APOB: variants seen among roughly 807,000 people sequenced by gnomAD.
The protein encoded by APOB is apolipoprotein B-100.
A neutral mutation model predicts 314.1 loss-of-function variants in APOB; 153 were observed. The observed-to-expected ratio is 0.49, with a 90% confidence interval of 0.43 to 0.56. The LOEUF is 0.56. Among genes scored for constraint, APOB ranks in the 20% least tolerant of loss-of-function variants. The pLI, the probability that APOB is intolerant of heterozygous loss-of-function variation, is 0.00. For synonymous variants in APOB, 2,087 were observed against 2,036.4 expected (o/e 1.02, Z -0.67); for missense variants, 5,430 against 5,350.7 (o/e 1.01, Z -0.46).
Position 21,023,712 on chromosome 2 carries a change from G to C in APOB, c.2437-20C>G. ...TCCAATCTGTAGACCCAACAAGGGA[G>C]AGCAAATAAAAGTAAGTCTTTTTAA... On this transcript the variant is annotated intron_variant, in intron 16 of 28. Transcript: ENST00000233242. The C allele has an allele frequency of 1.3e-6, 2 of 1,572,658 alleles. No individual in the cohort carries two copies. The highest frequency in any genetic ancestry group is 1.7e-6 in the Non-Finnish European group (2 of 1,158,080).
rs958169216 is a variant in APOB, at chr2:21,008,687, G to A, written c.8181C>T (p.Asn2727=). ...GGTCAGGAACTTGAAAATCATTAAG[G>A]TTGAGAGTTGGGATTATGAATTCTG... The part of the protein sequence containing the change: ...AIPEFIIPTL[N]LNDFQVPDLH... Residue 2727 remains asparagine (N), a synonymous_variant, in exon 26 of 29, where the codon AAC becomes AAT. Transcript: ENST00000233242. 6.2e-7 allele frequency: 1 copy of A among 1,614,106 alleles called. No individual in the cohort carries two copies. Among genetic ancestry groups the A allele is most frequent in the Non-Finnish European group, 8.5e-7 (1 of 1,179,976 alleles).
chr2:21,019,052 C>T lies in APOB; in HGVS notation c.3061G>A (p.Glu1021Lys). 1 of 1,613,996 alleles carries T rather than the reference C, an allele frequency of 6.2e-7. No homozygotes were observed. The highest frequency in any genetic ancestry group is 2.2e-5 in the East Asian group (1 of 44,836). ...IEQYSVSATY[E>K]LQREDRALVD... ...AAGGCTCTGTCCTCTCTCTGGAGCT[C>T]ATAGGTTGCGCTGACAGAATACTGC... Residue 1021 changes from glutamate to lysine, a missense_variant, in exon 20 of 29, where the codon GAG (glutamate) becomes AAG (lysine). Coordinates refer to ENST00000233242, the MANE Select transcript of APOB (RefSeq NM_000384.3).
At chr2:21,043,839 G>A (rs1431207481) in intron 1 of APOB, 25 bp downstream of exon 1, 2 of 1,530,966 alleles carry the variant, frequency 1.3e-6, no homozygotes, top group Non-Finnish European at 1.7e-6. Flanking sequence ...CTCCCTCTGC[G>A]CCCGCAGAGC....
In APOB at chr2:21,006,622, A is replaced by T; in HGVS notation, c.10246T>A (p.Leu3416Ile). Residue 3416 changes from leucine (L) to isoleucine (I), a missense_variant, in exon 26 of 29, where the codon TTA becomes ATA. Around this residue, in one of 3 missense-constraint regions of APOB, gnomAD observed 3,281 missense variants for 3,171.0 expected, o/e 1.03. Coordinates refer to ENST00000233242, the MANE Select transcript of APOB (RefSeq NM_000384.3). The part of the protein sequence containing the change: ...VEGSHNSTVS[L>I]TTKNMEVSVA... ...GACACTTCCATATTTTTCGTGGTTA[A>T]GCTCACAGTACTGTTATGACTACCC... The T allele has an allele frequency of 6.2e-7, 1 of 1,614,064 alleles. No individual in the cohort carries two copies. The highest frequency in any genetic ancestry group is 8.5e-7 in the Non-Finnish European group (1 of 1,179,968).
At position 21,011,847 on chromosome 2, in the gene APOB, T is replaced by C. The variant is rs1166295670; in HGVS notation, c.5021A>G (p.Glu1674Gly). 1 of 1,614,152 alleles carries C rather than the reference T, an allele frequency of 6.2e-7. No homozygotes were observed. Among genetic ancestry groups the C allele is most frequent in the Non-Finnish European group, 8.5e-7 (1 of 1,180,024 alleles). ...CATAGATGCCCCAGAGAGGCCAAGCTCTGCATTCAGCTCATTCTCCAGCAC... is the reference window on the plus strand; with the variant it reads ...CATAGATGCCCCAGAGAGGCCAAGCCCTGCATTCAGCTCATTCTCCAGCAC... ...LLVLENELNA[E>G]LGLSGASMKL... The change falls in exon 26 of 29, where the codon GAG becomes GGG. Residue 1674 changes from glutamate to glycine, a missense_variant. Glu to Gly is a moderately conservative substitution (Grantham distance 98). Transcript: ENST00000233242.
intron 17 of APOB, 139 bp downstream of exon 17, chr2:21,023,386 A>T (rs1365621998): frequency 1.9e-6 from 2 of 1,047,364 alleles, no homozygotes; most frequent in African/African-American, 3.2e-5. Context: ...GAAGTTTTTC[A>T]TAAAAAAATA....
chr2:21,019,164 G>A, intron 19 of APOB, 51 bp from the exon 20 acceptor site: 2 of 1,611,938 alleles, frequency 1.2e-6, no homozygotes. Flanking sequence ...TTTCAAGGAT[G>A]GTGATTATGT....
At chr2:21,038,155 A>T in intron 4 of APOB, 44 bp from the exon 5 acceptor site, 1 of 1,611,142 alleles carries the variant, frequency 6.2e-7, no homozygotes, top group Non-Finnish European at 8.5e-7. Context: ...CTTCTCCATT[A>T]CAACTTGCTG....
In APOB at chr2:21,010,691, C is replaced by G; in HGVS notation, c.6177G>C (p.Lys2059Asn). ...AGTGAACATCTTGGTTTTTATCATA[C>G]TTTACAAAAGCAACAATTGTAAATT... ...PQEFTIVAFV[K>N]YDKNQDVHSI... is the part of the protein sequence containing the mutation. The change falls in exon 26 of 29, where the codon AAG becomes AAC. Residue 2059 changes from lysine to asparagine, a missense_variant. Coordinates refer to ENST00000233242, the MANE Select transcript of APOB (RefSeq NM_000384.3). 6.2e-7 allele frequency: 1 copy of G among 1,614,000 alleles called. No individual in the cohort carries two copies. Among genetic ancestry groups the G allele is most frequent in the South Asian group, 1.1e-5 (1 of 91,044 alleles).
Position 21,018,897 on chromosome 2 carries a change from AT to A in APOB, c.3121+94del. The A allele has an allele frequency of 1.9e-6, 3 of 1,589,170 alleles. No homozygotes were observed. In the South Asian group the frequency reaches 3.3e-5, roughly 18 times the overall value. On this transcript the variant is annotated intron_variant, in intron 20 of 28. Coordinates refer to ENST00000233242, the MANE Select transcript of APOB (RefSeq NM_000384.3). Reference sequence around the variant, plus strand: ...CGCTTAGTGGGTACTCAGTTAACCTATTTGTTAAATAGGTTAAATTACATGT... The same window carrying A: ...CGCTTAGTGGGTACTCAGTTAACCTATTGTTAAATAGGTTAAATTACATGT...
At chr2:21,015,285 T>C in intron 22 of APOB, 25 bp from the exon 23 acceptor site, 8 of 1,613,596 alleles carry the variant, frequency 5.0e-6, no homozygotes, top group Non-Finnish European at 6.8e-6. Context: ...GAAATAGTTG[T>C]GAATGGTACT....
At chr2:21,004,208 T>C (rs1663065737) in intron 28 of APOB, 61 bp downstream of exon 28, 3 of 1,574,074 alleles carry the variant, frequency 1.9e-6, no homozygotes, top group Admixed American at 1.7e-5. Flanking sequence ...CTGAATTAAA[T>C]GTATCTGCCC....
chr2:21,023,370 A>C, intron 17 of APOB, 155 bp downstream of exon 17: 1 of 868,860 alleles, frequency 1.2e-6, no homozygotes, highest in Non-Finnish European at 1.8e-6. Context: ...ATTCTGGTGG[A>C]AGCTTGAAGT....
At position 21,012,463 on chromosome 2, in the gene APOB, C is replaced by A. The variant is rs1347512150; in HGVS notation, c.4405G>T (p.Val1469Phe). 2 of 1,614,160 alleles carry A rather than the reference C, an allele frequency of 1.2e-6. No individual in the cohort carries two copies. The highest frequency in any genetic ancestry group is 4.5e-5 in the East Asian group (2 of 44,878). ...TGTTTCTTTTTGGAGTCCAAATGAA[C>A]TGAAGCAGACATCTGTGGTCCCCAG... ...SSWGPQMSASVHLDSKKKQHL... is the reference protein window; with the variant it reads ...SSWGPQMSASFHLDSKKKQHL... Residue 1469 changes from valine to phenylalanine, a missense_variant, in exon 26 of 29, where the codon GTT becomes TTT. Physicochemically the swap from Val to Phe is conservative, Grantham distance 50. Around this residue, in one of 3 missense-constraint regions of APOB, gnomAD observed 2,085 missense variants for 2,079.7 expected, o/e 1.00. Coordinates refer to ENST00000233242, the MANE Select transcript of APOB (RefSeq NM_000384.3).
Position 21,043,629 on chromosome 2 carries a change from G to C in APOB, c.83-78C>G, listed in dbSNP as rs1285798422. On this transcript the variant is annotated intron_variant, in intron 1 of 28. Coordinates refer to ENST00000233242, the MANE Select transcript of APOB (RefSeq NM_000384.3). ...GCTAGGGCCCGACAGGGGGACCACC[G>C]GCACAGGTTTCACCTTTCAGGAGGG... 7.8e-6 allele frequency: 12 copies of C among 1,546,444 alleles called. No homozygotes were observed. The African/African-American group carries it at 8.2e-5, about 11-fold the overall frequency.
rs1663026140 is a variant in APOB at position 21,002,815 on chromosome 2, G to A, written c.12607C>T (p.Gln4203Ter). The A allele has an allele frequency of 6.2e-7, 1 of 1,611,090 alleles. No homozygotes were observed. Among genetic ancestry groups the A allele is most frequent in the African/African-American group, 1.3e-5 (1 of 74,970 alleles). Reference protein sequence around the residue: ...LIDFLNFPRFQFPGKPGIYTR... With the variant: ...LIDFLNFPRF ...TATATCCCAGGTTTCCCCGGAAACTGGAATCTGGGGAAGTTCAGAAAATCA... is the reference window on the plus strand; with the variant it reads ...TATATCCCAGGTTTCCCCGGAAACTAGAATCTGGGGAAGTTCAGAAAATCA... The change falls in exon 29 of 29, where the codon CAG becomes TAG. Residue 4203 changes from glutamine (Q) to a stop codon, truncating the protein, a stop_gained. Coordinates refer to ENST00000233242, the MANE Select transcript of APOB (RefSeq NM_000384.3). LOFTEE classifies it low-confidence loss of function (END_TRUNC).
At chr2:21,040,052 A>T (rs542493648) in intron 4 of APOB, among the ~76,000 whole-genome samples, 24 of 152,256 alleles carry the variant, frequency 1.6e-4, no homozygotes, top group African/African-American at 5.8e-4. Flanking sequence ...TCATGGGGGC[A>T]GGTCTTTCCC....
chr2:21,040,794 A>G, intron 4 of APOB, 144 bp downstream of exon 4: 1 of 873,540 alleles, frequency 1.1e-6, no homozygotes, highest in South Asian at 1.7e-5. Flanking sequence ...CTTTTTGATG[A>G]TTGTGAAAAC....
At chr2:21,030,624 G>C (rs1311366770) in intron 10 of APOB, among the ~76,000 whole-genome samples, 5 of 152,154 alleles carry the variant, frequency 3.3e-5, no homozygotes, top group Non-Finnish European at 7.4e-5. Context: ...AAAGTAAAAA[G>C]TTTCTGCACA....
Sources: gnomAD v4.1 joint callset for allele counts (sites outside exome capture counted in the v4.1 genomes callset) on GRCh38, gnomAD v4.1.1 for gene constraint, gnomAD v4.1.1 regional missense constraint, MANE v1.5 for transcripts, NCBI Gene and HGNC (gene_info 2026-07-23, HGNC 2026-07-21) for gene names.